PCNT: variants seen among roughly 807,000 people sequenced by gnomAD.
PCNT encodes the protein pericentrin, also known as kendrin.
A neutral mutation model predicts 380.4 loss-of-function variants in PCNT; 319 were observed. That is an observed-to-expected ratio of 0.84 (90% CI 0.77 to 0.92). PCNT has a LOEUF of 0.92. Ranked by LOEUF, PCNT falls within the 40% of genes least tolerant of loss-of-function variation. The pLI is 0.00. For synonymous variants in PCNT, 1,845 were observed against 1,735.2 expected, an observed-to-expected ratio of 1.06 and a Z score of -1.57; for missense variants, 4,400 against 4,255.3, an observed-to-expected ratio of 1.03 and a Z score of -0.95.
At chr21:46,421,533 G>A (rs534439356) in intron 31 of PCNT, among the ~76,000 whole-genome samples, 4 of 152,320 alleles carry the variant, frequency 2.6e-5, no homozygotes, top group South Asian at 2.1e-4. Context: ...TGGCAGGCAC[G>A]GTCAGCGTTT....
In PCNT at chr21:46,426,082, T is replaced by TC; in HGVS notation, c.7320+111_7320+112insC. The stretch of plus-strand genomic sequence containing the variant: ...TAGGATTTCTTTCTTTTTTTTTTTT[T>TC]TTTTTTTTTTTTTTGAGACTCGGCT... On this transcript the variant is annotated intron_variant, in intron 33 of 46. Transcript: ENST00000359568. The TC allele has an allele frequency of 5.2e-5, 61 of 1,165,922 alleles. 1 individual carries two copies. Among genetic ancestry groups the TC allele is most frequent in the Non-Finnish European group, 5.2e-5 (44 of 843,150 alleles). The allele number at this position is 1,165,922 out of a possible 1,614,324, so 72.2% of individuals were successfully genotyped here.
intron 1 of PCNT, among the ~76,000 whole-genome samples, chr21:46,324,644 T>C (rs1307179477): frequency 6.6e-6 from 1 of 150,614 alleles, no homozygotes. Context: ...GGGCGTGGCG[T>C]GGCTGCACGG....
At chr21:46,384,956 C>T (rs901248482) in intron 16 of PCNT, among the ~76,000 whole-genome samples, 10 of 152,234 alleles carry the variant, frequency 6.6e-5, no homozygotes, top group East Asian at 3.8e-4. Context: ...GTTGTACATT[C>T]GGTGATGGAA....
Position 46,391,292 on chromosome 21 carries a change from G to A in PCNT, c.4132G>A (p.Glu1378Lys). The A allele has an allele frequency of 6.3e-7, 1 of 1,581,156 alleles. No homozygotes were observed. Among genetic ancestry groups the A allele is most frequent in the Non-Finnish European group, 8.6e-7 (1 of 1,163,724 alleles). The change falls in exon 21 of 47, where the codon GAG becomes AAG. Residue 1378 changes from glutamate to lysine, a missense_variant. Coordinates refer to ENST00000359568, the MANE Select transcript of PCNT (RefSeq NM_006031.6). ...LRRQLQQAAQEQAALREECTR... is the reference protein window; with the variant it reads ...LRRQLQQAAQKQAALREECTR... ...ACGGCAGCTGCAGCAGGCGGCCCAG[G>A]AGCAGGCGGCGCTGAGGGAGGAGTG...
Position 46,401,598 on chromosome 21 carries a change from G to A in PCNT, c.4839G>A (p.Ala1613=), listed in dbSNP as rs2086429221. The part of the protein sequence containing the change: ...KKQQMSSLLL[A]STLQSTLDAG... The stretch of plus-strand genomic sequence containing the variant: ...AGCAGATGAGTAGCTTGCTTCTGGC[G>A]TCCACGTTGCAGTCTACACTAGATG... The change falls in exon 26 of 47, where the codon GCG becomes GCA. Residue 1613 remains alanine (A), a synonymous_variant. Transcript: ENST00000359568. 19 of 1,613,916 alleles carry A rather than the reference G, an allele frequency of 1.2e-5. No individual in the cohort carries two copies. The highest frequency in any genetic ancestry group is 2.2e-5 in the East Asian group (1 of 44,892).
intron 21 of PCNT, among the ~76,000 whole-genome samples, chr21:46,393,993 A>G (rs1031581152): frequency 5.3e-5 from 8 of 152,154 alleles, no homozygotes; most frequent in African/African-American, 1.2e-4. Flanking sequence ...GCTCGGGCCA[A>G]CTTTGTCACT....
At chr21:46,417,776 G>A (rs180814291) in intron 30 of PCNT, among the ~76,000 whole-genome samples, 48 of 152,182 alleles carry the variant, frequency 3.2e-4, no homozygotes, top group African/African-American at 1.2e-3. Flanking sequence ...TGCTGGTGCC[G>A]CCCATGGTCC....
intron 1 of PCNT, chr21:46,325,128 G>A (rs1269867266): frequency 1.0e-6 from 1 of 985,540 alleles, no homozygotes; most frequent in Non-Finnish European, 1.2e-6. Context: ...AATAAAGCGC[G>A]CAGAGCCCAT....
At chr21:46,406,155 G>A (rs1278730578) in intron 27 of PCNT, among the ~76,000 whole-genome samples, 1 of 152,136 alleles carries the variant, frequency 6.6e-6, no homozygotes, top group Non-Finnish European at 1.5e-5. Context: ...CGGAGCTCCC[G>A]TCTCCCTGGC....
chr21:46,425,929 AGAC>A lies in PCNT; in HGVS notation c.7281_7283del (p.Asp2427del). 1 of 1,614,136 alleles carries A rather than the reference AGAC, an allele frequency of 6.2e-7. No individual in the cohort carries two copies. The highest frequency in any genetic ancestry group is 8.5e-7 in the Non-Finnish European group (1 of 1,180,026). The stretch of plus-strand genomic sequence containing the variant: ...GCGAGCCACACCCACCCCGGAAGGA[AGAC>A]GAGATACAGGACATCTCGCTCCATG... On this transcript the variant is annotated inframe_deletion, in exon 33 of 47. Transcript: ENST00000359568. The surrounding 1 kb of genome is among the most constrained non-coding windows in gnomAD (Gnocchi z 4.2).
intron 10 of PCNT, 104 bp from the exon 11 acceptor site, chr21:46,353,883 C>G (rs1176049945): frequency 1.0e-6 from 1 of 991,882 alleles, no homozygotes; most frequent in Non-Finnish European, 1.6e-6. Flanking sequence ...ACTGGAAGCA[C>G]GAGGAGGCGC....
At position 46,443,952 on chromosome 21, in the gene PCNT, A is replaced by AGT; in HGVS notation, c.9839+8_9839+9dup. 6.2e-7 allele frequency: 1 copy of AGT among 1,611,706 alleles called. No homozygotes were observed. Among genetic ancestry groups the AGT allele is most frequent in the Non-Finnish European group, 8.5e-7 (1 of 1,179,592 alleles). ...CCTCCCCACACAGTGGGGGAAGGTC[A>AGT]GTGTGATGCCTTCAGGCCCCGTCTC... is the stretch of plus-strand genomic sequence containing the variant. On this transcript the variant is annotated splice_donor_region_variant and intron_variant, in intron 45 of 46. Transcript: ENST00000359568.
intron 16 of PCNT, 100 bp from the exon 17 acceptor site, chr21:46,385,732 C>T: frequency 7.5e-7 from 1 of 1,328,624 alleles, no homozygotes; most frequent in Non-Finnish European, 1.1e-6. Context: ...AGTCCTAAGT[C>T]AGAGACTCTC....
chr21:46,408,804 C>T (rs2086695409), intron 27 of PCNT, among the ~76,000 whole-genome samples: 1 of 150,798 alleles, frequency 6.6e-6, no homozygotes, highest in Non-Finnish European at 1.5e-5. Flanking sequence ...CTCACTGCAA[C>T]CTCCACCTCC....
At chr21:46,401,415 A>C in intron 25 of PCNT, 136 bp from the exon 26 acceptor site, 1 of 732,872 alleles carries the variant, frequency 1.4e-6, no homozygotes, top group Non-Finnish European at 2.4e-6. Flanking sequence ...CTGGTGTGTC[A>C]CTGAGTGCAG....
At chr21:46,330,005 A>G (rs2083507273) in intron 2 of PCNT, among the ~76,000 whole-genome samples, 1 of 152,220 alleles carries the variant, frequency 6.6e-6, no homozygotes, top group Non-Finnish European at 1.5e-5. Context: ...TGGCTCTAAA[A>G]TGGTGGGCAA....
intron 15 of PCNT, among the ~76,000 whole-genome samples, chr21:46,373,732 T>C (rs1055419655): frequency 1.8e-5 from 2 of 113,336 alleles, no homozygotes; most frequent in African/African-American, 7.0e-5. Flanking sequence ...GCCTTAGCTT[T>C]TTTTTTTTTT....
intron 15 of PCNT, among the ~76,000 whole-genome samples, chr21:46,370,507 G>T (rs1219352242): frequency 6.6e-6 from 1 of 152,092 alleles, no homozygotes; most frequent in Non-Finnish European, 1.5e-5. Context: ...GAGAGCCTGG[G>T]GGCTGACAGG....
rs1211865597 is a variant in PCNT, at chr21:46,349,182, T to C, written c.1203T>C (p.Ala401=). ...LEKIFQDKNQ[A]ERALRNLESH... ...AGATTTTTCAAGACAAAAACCAGGC[T>C]GAACGTAAGTAATGAAAATGAGCAA... is the stretch of plus-strand genomic sequence containing the variant. Residue 401 remains alanine (A), a synonymous_variant, in exon 7 of 47, where the codon GCT becomes GCC. Transcript: ENST00000359568. The C allele has an allele frequency of 3.1e-6, 5 of 1,613,008 alleles. No individual in the cohort carries two copies. The East Asian group carries it at 6.7e-5, about 22-fold the overall frequency.
Sources: allele counts gnomAD v4.1 joint callset (sites outside exome capture counted in the v4.1 genomes callset), GRCh38; gene constraint gnomAD v4.1.1; non-coding constraint Gnocchi (gnomAD v3.1); transcripts MANE v1.5; gene names NCBI Gene and HGNC (gene_info 2026-07-23, HGNC 2026-07-21).